The following ITPRID2 variants were observed in gnomAD, a reference collection of about 807,000 sequenced individuals.
ITPRID2 encodes the protein ITPR interacting domain containing 2.
Under a neutral mutation model 124.3 loss-of-function variants are expected in ITPRID2, and 60 were observed. The ratio of observed to expected loss-of-function variants is 0.48; its 90% CI spans 0.39 to 0.60. ITPRID2 has a LOEUF of 0.60. ITPRID2 is among the 20% of genes least tolerant of loss of function. ITPRID2 has a pLI of 0.00. For synonymous variants in ITPRID2, 521 were observed against 542.9 expected, an observed-to-expected ratio of 0.96 and a Z score of 0.56; for missense variants, 1,553 against 1,512.2, an observed-to-expected ratio of 1.03 and a Z score of -0.45.
intron 9 of ITPRID2, among the ~76,000 whole-genome samples, chr2:181,912,033 C>A (rs564508754): frequency 6.6e-6 from 1 of 152,330 alleles, no homozygotes; most frequent in Admixed American, 6.5e-5. Flanking sequence ...CATACCTTAG[C>A]AGAGAGAACC....
At chr2:181,911,403 T>A (rs1693593697) in intron 9 of ITPRID2, among the ~76,000 whole-genome samples, 1 of 152,204 alleles carries the variant, frequency 6.6e-6, no homozygotes. Context: ...CCAGAGAGGT[T>A]TAGTGACTTA....
intron 2 of ITPRID2, chr2:181,893,962 T>G (rs1691975344): frequency 1.3e-5 from 2 of 152,184 alleles, no homozygotes; most frequent in South Asian, 4.1e-4. Context: ...CACTTAGAAA[T>G]GTGTTTGAGA....
At position 181,920,663 on chromosome 2, in the gene ITPRID2, G is replaced by T. The variant is rs777082632; in HGVS notation, c.3210+1G>T. On this transcript the variant is annotated splice_donor_variant, in intron 15 of 17. Coordinates refer to ENST00000431877, the MANE Select transcript of ITPRID2 (RefSeq NM_001130445.3). LOFTEE classifies it high-confidence loss of function. ...TTCTCCATTGAATGTAATGGAACCA[G>T]TAAGCTTCTTTCCTCTTAAATCACT... 1.6e-5 allele frequency: 25 copies of T among 1,611,558 alleles called. No homozygotes were observed. In the East Asian group the frequency reaches 3.8e-4, roughly 24 times the overall value.
intron 11 of ITPRID2, 87 bp from the exon 12 acceptor site, chr2:181,918,511 G>T (rs1694245681): frequency 6.4e-7 from 1 of 1,556,956 alleles, no homozygotes; most frequent in East Asian, 2.3e-5. Flanking sequence ...AAATATATAG[G>T]CCCCAAATTC....
intron 4 of ITPRID2, among the ~76,000 whole-genome samples, chr2:181,897,823 CTTA>C (rs559354866): frequency 1.2e-4 from 18 of 151,962 alleles, no homozygotes; most frequent in African/African-American, 4.3e-4. Context: ...AAGTAAATTA[CTTA>C]TTTAGAACCT....
At chr2:181,899,494 G>A (rs1283167124) in intron 6 of ITPRID2, among the ~76,000 whole-genome samples, 1 of 152,122 alleles carries the variant, frequency 6.6e-6, no homozygotes, top group Non-Finnish European at 1.5e-5. Context: ...GTTACAGCTT[G>A]ATATTTAAGC....
intron 2 of ITPRID2, chr2:181,893,391 T>G (rs984343212): frequency 6.6e-6 from 1 of 152,364 alleles, no homozygotes; most frequent in Middle Eastern, 3.4e-3. Context: ...TAAACTTTTG[T>G]TGGTGTTTGC....
rs1470468646 is a variant in ITPRID2 at position 181,902,415 on chromosome 2, A to T, written c.1362A>T (p.Pro454=). 3 of 1,607,160 alleles carry T rather than the reference A, an allele frequency of 1.9e-6. No individual in the cohort carries two copies. The highest frequency in any genetic ancestry group is 2.5e-6 in the Non-Finnish European group (3 of 1,178,136). ...AGCCTTGTGCACCACTGACAATACCATCCATAAGAAATATAATGACACAGC... is the reference window on the plus strand; with the variant it reads ...AGCCTTGTGCACCACTGACAATACCTTCCATAAGAAATATAATGACACAGC... ...EKEPCAPLTI[P]SIRNIMTQQK... Residue 454 remains proline, a synonymous_variant, in exon 8 of 18, where the codon CCA becomes CCT. Transcript: ENST00000431877. The surrounding 1 kb of genome is among the most constrained non-coding windows in gnomAD (Gnocchi z 4.4).
rs969754723 is a variant in ITPRID2 at position 181,900,893 on chromosome 2, A to G, written c.701A>G (p.Tyr234Cys). The G allele has an allele frequency of 3.1e-6, 5 of 1,606,610 alleles. No individual in the cohort carries two copies. In the South Asian group the frequency reaches 5.6e-5, roughly 18 times the overall value. The change falls in exon 7 of 18, where the codon TAT (tyrosine) becomes TGT (cysteine). Residue 234 changes from tyrosine to cysteine, a missense_variant. Coordinates refer to ENST00000431877, the MANE Select transcript of ITPRID2 (RefSeq NM_001130445.3). ...CGGATGGAAGTAGAAAACCCAAATT[A>G]TGCTTTAACAAGTAAGATTTTTAAG... The part of the protein sequence containing the change: ...MQRMEVENPN[Y>C]ALTSRFRQIE...
At chr2:181,906,967 AT>A (rs1251609972) in intron 8 of ITPRID2, among the ~76,000 whole-genome samples, 2 of 152,150 alleles carry the variant, frequency 1.3e-5, no homozygotes, top group African/African-American at 4.8e-5. Flanking sequence ...TTCCTCTGAC[AT>A]TTTTTTGAGC....
intron 8 of ITPRID2, among the ~76,000 whole-genome samples, chr2:181,909,094 G>T (rs1328525888): frequency 6.6e-6 from 1 of 152,084 alleles, no homozygotes; most frequent in Non-Finnish European, 1.5e-5. Context: ...TTATGTACTT[G>T]TGCAGATAGA....
intron 16 of ITPRID2, among the ~76,000 whole-genome samples, chr2:181,924,205 ATTG>A (rs1248340317): frequency 1.3e-5 from 2 of 152,208 alleles, no homozygotes; most frequent in African/African-American, 4.8e-5. Context: ...TAAGAGGAGT[ATTG>A]TTGTACTTAA....
chr2:181,897,441 C>T lies in ITPRID2; in HGVS notation c.364+477C>T, dbSNP rs142835850. On this transcript the variant is annotated intron_variant, in intron 4 of 17. Transcript: ENST00000431877. ...AAATTAAAGGGGAAAGACAAAATAG[C>T]AGAGCTAATAGAATTTTATTAGAAA... 9.3e-4 allele frequency among the ~76,000 whole-genome samples: 141 copies of T among 152,082 alleles called. 1 individual carries two copies. Among genetic ancestry groups the T allele is most frequent in the African/African-American group, 3.2e-3 (131 of 41,554 alleles).
At chr2:181,918,945 A>G in intron 13 of ITPRID2, 63 bp downstream of exon 13, 7 of 1,578,610 alleles carry the variant, frequency 4.4e-6, no homozygotes, top group South Asian at 1.2e-5. Flanking sequence ...TTCTCAACTT[A>G]TATTTTTTAA....
At chr2:181,916,998 C>T (rs372481513) in intron 11 of ITPRID2, 2 of 985,526 alleles carry the variant, frequency 2.0e-6, no homozygotes, top group Non-Finnish European at 1.2e-6. Context: ...CAGAAAATAA[C>T]AAATCAGGTA....
In ITPRID2 at chr2:181,923,007, G is replaced by T. The variant is rs752122423; in HGVS notation, c.3675+595G>T. ...TTAATAAGTATAAATAGATTGATTT[G>T]GTTTGGTGTTTTTTATTCAAAAATC... is the stretch of plus-strand genomic sequence containing the variant. On this transcript the variant is annotated intron_variant, in intron 16 of 17. Coordinates refer to ENST00000431877, the MANE Select transcript of ITPRID2 (RefSeq NM_001130445.3). Among the ~76,000 whole-genome samples the T allele has an allele frequency of 2.6e-5, 4 of 152,202 alleles. No homozygotes were observed. The South Asian group carries it at 8.3e-4, about 32-fold the overall frequency.
chr2:181,898,840 A>G (rs916683470), intron 4 of ITPRID2, 40 bp from the exon 5 acceptor site: 7 of 1,441,396 alleles, frequency 4.9e-6, no homozygotes, highest in East Asian at 4.5e-5. Flanking sequence ...TTATAGTCCT[A>G]CTAACAATTG....
At chr2:181,895,216 G>A (rs1288007351) in intron 2 of ITPRID2, among the ~76,000 whole-genome samples, 1 of 151,886 alleles carries the variant, frequency 6.6e-6, no homozygotes, top group African/African-American at 2.4e-5. Context: ...ACTGAAGAAA[G>A]GTGTGCATCA....
rs1443466906 is a variant in ITPRID2, at chr2:181,910,322, T to C, written c.1486+351T>C. On this transcript the variant is annotated intron_variant, in intron 9 of 17. Transcript: ENST00000431877. The surrounding 1 kb of genome is among the most constrained non-coding windows in gnomAD (Gnocchi z 4.1). Reference sequence around the variant, plus strand: ...GACTGAAAAATATACTGGTATTATCTATCTTTGGTGTTTCACTATATAAAT... The same window carrying C: ...GACTGAAAAATATACTGGTATTATCCATCTTTGGTGTTTCACTATATAAAT... 6.6e-6 allele frequency among the ~76,000 whole-genome samples: 1 copy of C among 152,204 alleles called. No individual in the cohort carries two copies. The highest frequency in any genetic ancestry group is 1.5e-5 in the Non-Finnish European group (1 of 68,032).
Sources: gnomAD v4.1 joint callset for allele counts (sites outside exome capture counted in the v4.1 genomes callset) on GRCh38, gnomAD v4.1.1 for gene constraint, Gnocchi (gnomAD v3.1) non-coding constraint, MANE v1.5 for transcripts, NCBI Gene and HGNC (gene_info 2026-07-23, HGNC 2026-07-21) for gene names.